Variants in NCK2 observed in about 807,000 individuals in gnomAD.
NCK2 encodes cytoplasmic protein NCK2.
NCK2 carries 16 observed loss-of-function variants against 33.9 expected under a neutral mutation model. That is an observed-to-expected ratio of 0.47 (90% CI 0.32 to 0.72). The LOEUF is 0.72. Among genes scored for constraint, NCK2 ranks in the 30% least tolerant of loss-of-function variants. The pLI, the probability that NCK2 is intolerant of heterozygous loss-of-function variation, is 0.03. For synonymous variants in NCK2, 273 were observed against 239.9 expected, an observed-to-expected ratio of 1.14 and a Z score of -1.27; for missense variants, 418 against 537.3, an observed-to-expected ratio of 0.78 and a Z score of 2.19.
chr2:105,745,354 C>T (rs1238079637), intron 1 of NCK2, among the ~76,000 whole-genome samples: 2 of 151,804 alleles, frequency 1.3e-5, no homozygotes, highest in African/African-American at 4.8e-5. Flanking sequence ...ACCTTCCTGC[C>T]CGCCTTCCCA....
intron 3 of NCK2, among the ~76,000 whole-genome samples, chr2:105,871,570 A>G (rs1330567901): frequency 6.6e-6 from 1 of 151,456 alleles, no homozygotes; most frequent in Non-Finnish European, 1.5e-5. Context: ...ATCTCGGCTC[A>G]CTGCAACCTC....
chr2:105,749,218 GT>G (rs1434395701), intron 1 of NCK2, among the ~76,000 whole-genome samples: 1 of 152,212 alleles, frequency 6.6e-6, no homozygotes, highest in East Asian at 1.9e-4. Context: ...TGGTAAGTTA[GT>G]TATTTGTGTC....
At chr2:105,805,972 C>T (rs913593901) in intron 1 of NCK2, among the ~76,000 whole-genome samples, 1 of 151,924 alleles carries the variant, frequency 6.6e-6, no homozygotes, top group Non-Finnish European at 1.5e-5. Context: ...TCACGTACAC[C>T]TTATATACAT....
intron 1 of NCK2, among the ~76,000 whole-genome samples, chr2:105,787,681 A>G (rs1025333609): frequency 6.6e-6 from 1 of 152,114 alleles, no homozygotes; most frequent in Non-Finnish European, 1.5e-5. Context: ...ACTCCACCCC[A>G]TGGGGTGTCA....
At chr2:105,811,947 C>G (rs6719896) in intron 1 of NCK2, among the ~76,000 whole-genome samples, 43,561 of 151,988 alleles carry the variant, frequency 0.29, 7,019 homozygotes, top group South Asian at 0.39. Flanking sequence ...ACTGACAGAC[C>G]TTAAACTCTA....
chr2:105,889,382 TTTG>T (rs944941082), intron 4 of NCK2, among the ~76,000 whole-genome samples: 1 of 152,168 alleles, frequency 6.6e-6, no homozygotes, highest in Non-Finnish European at 1.5e-5. Flanking sequence ...TGACCAAACA[TTTG>T]TTGGTGGCTC....
In NCK2 at chr2:105,881,418, C is replaced by T. The variant is rs755994999; in HGVS notation, c.317C>T (p.Ala106Val). Reference protein sequence around the residue: ...DAEYPANGSGADRIYDLNIPA... With the variant: ...DAEYPANGSGVDRIYDLNIPA... The stretch of plus-strand genomic sequence containing the variant: ...GAGTACCCCGCCAATGGCAGCGGCG[C>T]CGACCGCATCTACGACCTCAACATC... The change falls in exon 4 of 5, where the codon GCC becomes GTC. Residue 106 changes from alanine to valine, a missense_variant. Ala to Val is a moderately conservative substitution (Grantham distance 64). Coordinates refer to ENST00000233154, the MANE Select transcript of NCK2 (RefSeq NM_003581.5). 3 of 1,612,980 alleles carry T rather than the reference C, an allele frequency of 1.9e-6. No homozygotes were observed. Among genetic ancestry groups the T allele is most frequent in the African/African-American group, 1.3e-5 (1 of 75,064 alleles).
intron 3 of NCK2, among the ~76,000 whole-genome samples, chr2:105,874,969 A>G (rs1476939142): frequency 1.3e-5 from 2 of 152,230 alleles, no homozygotes; most frequent in Admixed American, 6.5e-5. Flanking sequence ...CAAGTCAGCT[A>G]TTTGCCACTT....
At chr2:105,781,558 A>G (rs1465394206) in intron 1 of NCK2, among the ~76,000 whole-genome samples, 1 of 152,246 alleles carries the variant, frequency 6.6e-6, no homozygotes, top group Non-Finnish European at 1.5e-5. Flanking sequence ...GCTGGCATGA[A>G]TCATGACCTG....
chr2:105,811,414 A>G (rs907508142), intron 1 of NCK2, among the ~76,000 whole-genome samples: 1 of 152,088 alleles, frequency 6.6e-6, no homozygotes, highest in Non-Finnish European at 1.5e-5. Context: ...TTCTCATTAT[A>G]TATGGATGAT....
intron 4 of NCK2, among the ~76,000 whole-genome samples, chr2:105,887,518 C>T (rs1458525864): frequency 1.3e-5 from 2 of 152,120 alleles, no homozygotes; most frequent in African/African-American, 4.8e-5. Flanking sequence ...CATTTCTACC[C>T]TCATCATTTC....
chr2:105,811,610 G>A (rs1006354439), intron 1 of NCK2, among the ~76,000 whole-genome samples: 4 of 152,186 alleles, frequency 2.6e-5, no homozygotes, highest in Non-Finnish European at 4.4e-5. Context: ...TGTGATTGAG[G>A]CCCTGAGTTT....
At chr2:105,815,165 A>G (rs961112904) in intron 1 of NCK2, among the ~76,000 whole-genome samples, 8 of 152,222 alleles carry the variant, frequency 5.3e-5, no homozygotes, top group Non-Finnish European at 1.2e-4. Context: ...TTCTTGCCCA[A>G]AGATGTATTC....
At chr2:105,857,047 T>TTTTTTTTTTTTTTTTTA (rs1553460690) in intron 3 of NCK2, 1 of 130,792 alleles carries the variant, frequency 7.6e-6, no homozygotes, top group African/African-American at 2.8e-5. Flanking sequence ...TTTTTTTTTT[T>TTTTTTTTTTTTTTTTTA]TTGTATTTAC....
At chr2:105,892,509 T>C (rs1450867038) in intron 4 of NCK2, among the ~76,000 whole-genome samples, 3 of 151,626 alleles carry the variant, frequency 2.0e-5, no homozygotes, top group African/African-American at 7.3e-5. Context: ...TACCTCCAGG[T>C]CTTTCTGAAC....
chr2:105,892,545 C>G (rs1679030366), intron 4 of NCK2, among the ~76,000 whole-genome samples: 1 of 146,756 alleles, frequency 6.8e-6, no homozygotes. Flanking sequence ...AGATATAAAA[C>G]AGAGACCCGG....
At chr2:105,882,967 A>G (rs962399931) in intron 4 of NCK2, among the ~76,000 whole-genome samples, 1 of 152,198 alleles carries the variant, frequency 6.6e-6, no homozygotes, top group African/African-American at 2.4e-5. Context: ...TGAAAAGATT[A>G]CTGGCACAAT....
At chr2:105,874,330 T>C (rs1399445206) in intron 3 of NCK2, among the ~76,000 whole-genome samples, 3 of 152,264 alleles carry the variant, frequency 2.0e-5, no homozygotes, top group African/African-American at 7.2e-5. Flanking sequence ...CTGACTCTTA[T>C]ATGGAAATGT....
chr2:105,748,122 A>G (rs901175079), intron 1 of NCK2, among the ~76,000 whole-genome samples: 13 of 152,184 alleles, frequency 8.5e-5, no homozygotes, highest in African/African-American at 2.9e-4. Flanking sequence ...TGTGGAAATG[A>G]AAGTTATTTT....
Sources: allele counts gnomAD v4.1 joint callset (sites outside exome capture counted in the v4.1 genomes callset), GRCh38; gene constraint gnomAD v4.1.1; transcripts MANE v1.5; gene names NCBI Gene and HGNC (gene_info 2026-07-23, HGNC 2026-07-21).